The following TPCN1 variants were observed in gnomAD, a reference collection of about 807,000 sequenced individuals.
TPCN1 encodes two pore segment channel 1, also known as two pore channel protein 1.
TPCN1 carries 52 observed loss-of-function variants against 108.8 expected under a neutral mutation model. The observed-to-expected ratio is 0.48, with a 90% CI of 0.38 to 0.60. The LOEUF is 0.60. Among genes scored for constraint, TPCN1 ranks in the 20% least tolerant of loss-of-function variants. The probability of loss-of-function intolerance (pLI) is 0.00; values close to 1 mark genes in which losing one functional copy is unlikely to be tolerated. For missense variants in TPCN1, 806 were observed against 1,072.8 expected (o/e 0.75, Z 3.47); for synonymous variants, 446 against 433.7 (o/e 1.03, Z -0.35).
intron 25 of TPCN1, 121 bp downstream of exon 25, chr12:113,292,079 A>T: frequency 6.4e-6 from 5 of 786,244 alleles, no homozygotes; most frequent in Non-Finnish European, 1.1e-5. Flanking sequence ...CTGGCTGTCC[A>T]GCTTATCTAT....
chr12:113,286,083 C>A, intron 18 of TPCN1, 122 bp downstream of exon 18: 1 of 866,304 alleles, frequency 1.2e-6, no homozygotes, highest in Non-Finnish European at 1.9e-6. Context: ...TGAGGATGGG[C>A]TGAGGCCTAT....
chr12:113,232,097 G>A lies in TPCN1; in HGVS notation c.112+5133G>A, dbSNP rs61943584. Reference sequence around the variant, plus strand: ...TCTGAGTGAAGGAAGGATTGGGCTCGCGGGGGCTGGCTGAGGTCTGAGCAG... The same window carrying A: ...TCTGAGTGAAGGAAGGATTGGGCTCACGGGGGCTGGCTGAGGTCTGAGCAG... On this transcript the variant is annotated intron_variant, in intron 2 of 27. Coordinates refer to ENST00000335509, the MANE Select transcript of TPCN1 (RefSeq NM_017901.6). This position sits in a 1 kb window ranked among gnomAD's most constrained non-coding sequence, Gnocchi z 5.6. 0.059 allele frequency among the ~76,000 whole-genome samples: 9,008 copies of A among 152,316 alleles called. 366 individuals carry two copies. The highest frequency in any genetic ancestry group is 0.071 in the Middle Eastern group (21 of 294).
chr12:113,293,391 T>C (rs1203136561), intron 27 of TPCN1, 42 bp downstream of exon 27: 2 of 1,587,768 alleles, frequency 1.3e-6, no homozygotes, highest in Non-Finnish European at 8.6e-7. Flanking sequence ...TCCCCCAAGC[T>C]ATGTCCTGGG....
chr12:113,281,027 C>A (rs1437208929), intron 15 of TPCN1, among the ~76,000 whole-genome samples: 56 of 152,118 alleles, frequency 3.7e-4, no homozygotes, highest in African/African-American at 1.3e-3. Flanking sequence ...AGACTGATTT[C>A]ATCAATCTTA....
rs573612405 is a variant in TPCN1, at chr12:113,287,769, G to A, written c.1635-394G>A. 2.0e-3 allele frequency among the ~76,000 whole-genome samples: 297 copies of A among 152,226 alleles called. 1 individual carries two copies. Among genetic ancestry groups the A allele is most frequent in the Admixed American group, 3.9e-3 (59 of 15,304 alleles). On this transcript the variant is annotated intron_variant, in intron 19 of 27. Transcript: ENST00000335509. ...GGGCTGCTCCTGAGTGTCCGCCTCC[G>A]TCCCGCCCCCTGCCACCCTTCTTCA...
intron 15 of TPCN1, among the ~76,000 whole-genome samples, chr12:113,281,704 A>G (rs962850152): frequency 6.6e-6 from 1 of 151,926 alleles, no homozygotes. Context: ...ACACCTGGCT[A>G]ATTTTTTAAT....
At chr12:113,264,970 C>T (rs61943607) in intron 3 of TPCN1, among the ~76,000 whole-genome samples, 8,980 of 152,060 alleles carry the variant, frequency 0.059, 359 homozygotes, top group Middle Eastern at 0.072. Flanking sequence ...GGACTACAGG[C>T]GCATGCCACC....
At chr12:113,283,621 A>T (rs1484154986) in intron 15 of TPCN1, among the ~76,000 whole-genome samples, 1 of 151,994 alleles carries the variant, frequency 6.6e-6, no homozygotes, top group Non-Finnish European at 1.5e-5. Context: ...GGGTAATAAT[A>T]AAACCCTGTC....
At chr12:113,275,155 T>C (rs1955628944) in intron 10 of TPCN1, among the ~76,000 whole-genome samples, 1 of 152,328 alleles carries the variant, frequency 6.6e-6, no homozygotes, top group East Asian at 1.9e-4. Flanking sequence ...CAGAGCATTC[T>C]CACACCAGTC....
At chr12:113,285,413 C>T (rs1291298016) in intron 17 of TPCN1, among the ~76,000 whole-genome samples, 1 of 152,190 alleles carries the variant, frequency 6.6e-6, no homozygotes, top group Non-Finnish European at 1.5e-5. Context: ...CTCTGTCACC[C>T]AAGCTGGAGT....
At chr12:113,261,727 C>T (rs1955046174) in intron 3 of TPCN1, among the ~76,000 whole-genome samples, 1 of 152,168 alleles carries the variant, frequency 6.6e-6, no homozygotes, top group Admixed American at 6.5e-5. Flanking sequence ...CCACACCTGG[C>T]TATTTAAATA....
In TPCN1 at chr12:113,266,654, C is replaced by A. The variant is rs1955274563; in HGVS notation, c.414+298C>A. Among the ~76,000 whole-genome samples the A allele has an allele frequency of 6.6e-6, 1 of 152,138 alleles. No individual in the cohort carries two copies. Among genetic ancestry groups the A allele is most frequent in the Admixed American group, 6.5e-5 (1 of 15,270 alleles). On this transcript the variant is annotated intron_variant, in intron 4 of 27. Coordinates refer to ENST00000335509, the MANE Select transcript of TPCN1 (RefSeq NM_017901.6). This position sits in a 1 kb window ranked among gnomAD's most constrained non-coding sequence, Gnocchi z 4.2. ...CCTTGGCTCCGGGTGGGGAGGGCAC[C>A]CAGTGGACAGTCCCACTACTCTGTC...
chr12:113,287,446 C>T (rs959839369), intron 19 of TPCN1: 18 of 235,196 alleles, frequency 7.7e-5, no homozygotes, highest in Middle Eastern at 1.4e-3. Flanking sequence ...AGGGGCCCTG[C>T]GTGCTTTTCT....
chr12:113,293,833 C>T (rs992105934), intron 27 of TPCN1, among the ~76,000 whole-genome samples: 8 of 152,176 alleles, frequency 5.3e-5, no homozygotes, highest in African/African-American at 1.9e-4. Flanking sequence ...CTACTGCGGT[C>T]GGGCTGCTTG....
At chr12:113,275,272 C>T (rs765217171) in intron 10 of TPCN1, among the ~76,000 whole-genome samples, 12 of 152,216 alleles carry the variant, frequency 7.9e-5, no homozygotes, top group Non-Finnish European at 1.5e-4. Flanking sequence ...GAGTCTCGCT[C>T]TGTCACCCAG....
At chr12:113,295,202 C>G (rs1956385667) in intron 27 of TPCN1, among the ~76,000 whole-genome samples, 2 of 152,206 alleles carry the variant, frequency 1.3e-5, no homozygotes, top group Admixed American at 1.3e-4. Context: ...TCCATCTGCT[C>G]CAGGCCTCAG....
intron 2 of TPCN1, among the ~76,000 whole-genome samples, chr12:113,236,053 G>A (rs1953881181): frequency 1.3e-5 from 2 of 152,196 alleles, no homozygotes; most frequent in Non-Finnish European, 1.5e-5. Context: ...CTGAAGAGGA[G>A]CTGGACCTTC....
At chr12:113,257,429 T>G (rs980365385) in intron 2 of TPCN1, among the ~76,000 whole-genome samples, 3 of 151,618 alleles carry the variant, frequency 2.0e-5, no homozygotes, top group African/African-American at 7.3e-5. Context: ...AAGTGGAGGT[T>G]TTAGTGAGCT....
chr12:113,283,901 T>C (rs1955976088), intron 15 of TPCN1, among the ~76,000 whole-genome samples: 1 of 152,198 alleles, frequency 6.6e-6, no homozygotes, highest in Non-Finnish European at 1.5e-5. Context: ...TTCGAGCCCC[T>C]GGGCTCACGC....
Sources: gnomAD v4.1 joint callset for allele counts (sites outside exome capture counted in the v4.1 genomes callset) on GRCh38, gnomAD v4.1.1 for gene constraint, Gnocchi (gnomAD v3.1) non-coding constraint, MANE v1.5 for transcripts, NCBI Gene and HGNC (gene_info 2026-07-23, HGNC 2026-07-21) for gene names.